The following DPYD variants were observed in gnomAD, a reference collection of about 807,000 sequenced individuals.
The protein encoded by DPYD is dihydropyrimidine dehydrogenase [NADP(+)].
A neutral mutation model predicts 116.2 loss-of-function variants in DPYD; 109 were observed. That is an observed-to-expected ratio of 0.94 (90% confidence interval 0.80 to 1.10). The LOEUF is 1.10. DPYD is among the 50% of genes least tolerant of loss of function. The pLI is 0.00. For synonymous variants in DPYD, 440 were observed against 432.0 expected, an observed-to-expected ratio of 1.02 and a Z score of -0.23; for missense variants, 1,302 against 1,254.5, an observed-to-expected ratio of 1.04 and a Z score of -0.57.
In DPYD at chr1:97,132,351, T is replaced by C. The variant is rs372415790; in HGVS notation, c.2623-33719A>G. On this transcript the variant is annotated intron_variant, in intron 20 of 22. Coordinates refer to ENST00000370192, the MANE Select transcript of DPYD (RefSeq NM_000110.4). ...GCCTCTACAGATAAATACAATGTTG[T>C]ATCTTATCACTAATCTATTCTACCC... Among the ~76,000 whole-genome samples the C allele has an allele frequency of 3.3e-5, 5 of 152,298 alleles. No homozygotes were observed. The East Asian group carries it at 9.6e-4, about 29-fold the overall frequency.
chr1:97,360,970 G>A (rs1004682396), intron 16 of DPYD, among the ~76,000 whole-genome samples: 1 of 152,058 alleles, frequency 6.6e-6, no homozygotes, highest in Admixed American at 6.6e-5. Flanking sequence ...AGAACTGAAG[G>A]AGATAGAGAC....
intron 13 of DPYD, among the ~76,000 whole-genome samples, chr1:97,506,989 T>C (rs906853148): frequency 6.6e-6 from 1 of 152,032 alleles, no homozygotes; most frequent in Admixed American, 6.6e-5. Context: ...AGCTTCAATA[T>C]TGAATGTGTA....
chr1:97,896,963 A>G (rs909937927), intron 1 of DPYD, among the ~76,000 whole-genome samples: 5 of 151,982 alleles, frequency 3.3e-5, no homozygotes, highest in African/African-American at 1.2e-4. Context: ...AGTAAAAATC[A>G]TATATCTACC....
chr1:97,285,308 C>A (rs142105766), intron 18 of DPYD, among the ~76,000 whole-genome samples: 4 of 152,282 alleles, frequency 2.6e-5, no homozygotes, highest in Admixed American at 2.0e-4. Context: ...AATGAAGAGG[C>A]TTCCTTCACT....
chr1:97,293,293 T>C (rs1666325636), intron 18 of DPYD, among the ~76,000 whole-genome samples: 1 of 152,152 alleles, frequency 6.6e-6, no homozygotes, highest in Non-Finnish European at 1.5e-5. Flanking sequence ...TTACAAAAGC[T>C]TAATGGAATA....
intron 20 of DPYD, among the ~76,000 whole-genome samples, chr1:97,128,143 T>G (rs577289031): frequency 6.6e-6 from 1 of 152,292 alleles, no homozygotes; most frequent in African/African-American, 2.4e-5. Flanking sequence ...CATTAATCCC[T>G]TCAGAAAAAG....
At chr1:97,805,538 T>G (rs968694378) in intron 3 of DPYD, among the ~76,000 whole-genome samples, 1 of 151,850 alleles carries the variant, frequency 6.6e-6, no homozygotes, top group Non-Finnish European at 1.5e-5. Flanking sequence ...CAAAACAATG[T>G]GCTGAGGTAG....
chr1:97,331,186 T>TA (rs1668977000), intron 16 of DPYD, among the ~76,000 whole-genome samples: 2 of 151,964 alleles, frequency 1.3e-5, no homozygotes, highest in Admixed American at 1.3e-4. Flanking sequence ...CAAACCTATA[T>TA]ATTGAGGATG....
chr1:97,440,418 C>A (rs995733182), intron 14 of DPYD, among the ~76,000 whole-genome samples: 3 of 151,372 alleles, frequency 2.0e-5, no homozygotes, highest in Non-Finnish European at 4.4e-5. Context: ...CTTTTTTACT[C>A]CTCTTTCTTC....
At chr1:97,217,418 T>A (rs2101885031) in intron 19 of DPYD, among the ~76,000 whole-genome samples, 1 of 152,248 alleles carries the variant, frequency 6.6e-6, no homozygotes, top group African/African-American at 2.4e-5. Flanking sequence ...TTCACTACTA[T>A]TTGTAAACTT....
intron 5 of DPYD, among the ~76,000 whole-genome samples, chr1:97,700,701 A>G (rs1661549663): frequency 6.6e-6 from 1 of 152,208 alleles, no homozygotes; most frequent in South Asian, 2.1e-4. Flanking sequence ...ATAAACCTAA[A>G]AAAATTGAAA....
chr1:97,733,469 T>C (rs186966403), intron 4 of DPYD, among the ~76,000 whole-genome samples: 2 of 152,160 alleles, frequency 1.3e-5, no homozygotes, highest in Admixed American at 1.3e-4. Flanking sequence ...AGTGTCATAC[T>C]ATTCACATTA....
At chr1:97,545,942 T>C (rs1650816479) in intron 12 of DPYD, 2 of 1,130,860 alleles carry the variant, frequency 1.8e-6, no homozygotes, top group Non-Finnish European at 1.4e-6. Context: ...CAGATTGTCA[T>C]ACTCTACTGC....
At chr1:97,703,738 C>T (rs1467256256) in intron 5 of DPYD, among the ~76,000 whole-genome samples, 1 of 151,916 alleles carries the variant, frequency 6.6e-6, no homozygotes, top group Non-Finnish European at 1.5e-5. Context: ...AAATTTCAAA[C>T]ATATAATGCA....
intron 3 of DPYD, among the ~76,000 whole-genome samples, chr1:97,788,806 ATTGTTG>A (rs966070304): frequency 1.3e-5 from 2 of 151,788 alleles, no homozygotes; most frequent in African/African-American, 2.4e-5. Flanking sequence ...TATTTTTCTT[ATTGTTG>A]TTGTTGTTGT....
In DPYD at chr1:97,323,261, C is replaced by CATATGTGTATATGTACACGTATATATAT. The variant is rs1668422165; in HGVS notation, c.2059-16965_2059-16964insATATATATACGTGTACATATACACATAT. 1.4e-5 allele frequency among the ~76,000 whole-genome samples: 2 copies of CATATGTGTATATGTACACGTATATATAT among 146,140 alleles called. 1 individual carries two copies. Reference sequence around the variant, plus strand: ...GTATACACATTTATATACTTATATACATATGTGTATATGTACACGTATATA... The same window carrying CATATGTGTATATGTACACGTATATATAT: ...GTATACACATTTATATACTTATATACATATGTGTATATGTACACGTATATATATATATGTGTATATGTACACGTATATA... On this transcript the variant is annotated intron_variant, in intron 16 of 22. Coordinates refer to ENST00000370192, the MANE Select transcript of DPYD (RefSeq NM_000110.4).
chr1:97,306,300 G>C lies in DPYD; in HGVS notation c.2059-3C>G. 6.2e-7 allele frequency: 1 copy of C among 1,612,016 alleles called. No homozygotes were observed. Among genetic ancestry groups the C allele is most frequent in the Non-Finnish European group, 8.5e-7 (1 of 1,178,590 alleles). On this transcript the variant is annotated splice_region_variant and splice_polypyrimidine_tract_variant and intron_variant, in intron 16 of 22. Transcript: ENST00000370192. ...ATGTTCCGCACCAGCTCTGGATCCT[G>C]TTCAAATAGGTCGGTTAAATATAGA...
At chr1:97,778,388 C>G (rs1334711965) in intron 3 of DPYD, among the ~76,000 whole-genome samples, 1 of 151,742 alleles carries the variant, frequency 6.6e-6, no homozygotes, top group East Asian at 1.9e-4. Flanking sequence ...AAATTATTAA[C>G]AAGAAAAAAA....
intron 16 of DPYD, among the ~76,000 whole-genome samples, chr1:97,350,807 A>G (rs1570574685): frequency 1.3e-5 from 2 of 152,308 alleles, no homozygotes; most frequent in South Asian, 2.1e-4. Context: ...GAAATGCAAT[A>G]TGAGATTCAA....
Sources: gnomAD v4.1 joint callset for allele counts (sites outside exome capture counted in the v4.1 genomes callset) on GRCh38, gnomAD v4.1.1 for gene constraint, MANE v1.5 for transcripts, NCBI Gene and HGNC (gene_info 2026-07-23, HGNC 2026-07-21) for gene names.